The following GATAD1 variants were observed in gnomAD, a reference collection of about 807,000 sequenced individuals.
GATAD1 encodes the protein GATA zinc finger domain containing 1.
In GATAD1, 12 loss-of-function variants were observed where a neutral mutation model predicts 26.5. That is an observed-to-expected ratio of 0.45 (90% CI 0.29 to 0.73). The LOEUF (loss-of-function observed/expected upper bound fraction) is 0.73. Ranked by LOEUF, GATAD1 falls within the 30% of genes least tolerant of loss-of-function variation. The pLI is 0.10. For missense variants in GATAD1, 266 were observed against 342.1 expected, an observed-to-expected ratio of 0.78 and a Z score of 1.75; for synonymous variants, 129 against 133.1, an observed-to-expected ratio of 0.97 and a Z score of 0.21.
chr7:92,451,884 A>C (rs530921963), intron 3 of GATAD1, among the ~76,000 whole-genome samples: 1 of 152,242 alleles, frequency 6.6e-6, no homozygotes, highest in Non-Finnish European at 1.5e-5. Flanking sequence ...CACATAGCCA[A>C]CAAGTCATGG....
At chr7:92,474,276 T>G in the GATAD1 span, among the ~76,000 whole-genome samples, 1 of 152,210 alleles carries the variant, frequency 6.6e-6, no homozygotes, top group Non-Finnish European at 1.5e-5. Context: ...GAAGTTTTTT[T>G]CTAATGTCTG....
the GATAD1 span, among the ~76,000 whole-genome samples, chr7:92,480,182 A>G: frequency 2.0e-5 from 3 of 152,232 alleles, no homozygotes; most frequent in African/African-American, 7.2e-5. Flanking sequence ...CTGCTCCGTT[A>G]TTGGACTGTA....
At chr7:92,486,355 G>A in the GATAD1 span, among the ~76,000 whole-genome samples, 807 of 152,282 alleles carry the variant, frequency 5.3e-3, 5 homozygotes, top group African/African-American at 0.018. Flanking sequence ...CACCCTTCAT[G>A]AACTTACTAA....
rs1315371973 is a variant in GATAD1 at position 92,449,399 on chromosome 7, C to CT, written c.375+523dup. ...GCTAAGCCTTATCTCCTCTTCTGCTCTAAGAAAAGAGATTGTTGAAAGACC... is the reference window on the plus strand; with the variant it reads ...GCTAAGCCTTATCTCCTCTTCTGCTCTTAAGAAAAGAGATTGTTGAAAGACC... On this transcript the variant is annotated intron_variant, in intron 2 of 4. Coordinates refer to ENST00000287957, the MANE Select transcript of GATAD1 (RefSeq NM_021167.5). 7.1e-6 allele frequency: 7 copies of CT among 982,940 alleles called. No individual in the cohort carries two copies. In the Admixed American group the frequency reaches 4.3e-4, roughly 60 times the overall value. The allele number at this position is 982,940 out of a possible 1,614,324, so 60.9% of individuals were successfully genotyped here. A position where few individuals can be genotyped will look rare whatever the true frequency, so the allele number is the denominator to read the frequency against.
chr7:92,461,147 A>C (rs1217830573), downstream of GATAD1, among the ~76,000 whole-genome samples: 6 of 152,202 alleles, frequency 3.9e-5, no homozygotes, highest in African/African-American at 1.4e-4. Context: ...GACTTCCTTC[A>C]GCTTCAGCCA....
At chr7:92,469,798 C>A in the GATAD1 span, 2 of 766,204 alleles carry the variant, frequency 2.6e-6, no homozygotes, top group Admixed American at 1.7e-5. Flanking sequence ...AACATATGGC[C>A]TGAAGTTCAG....
intron 2 of GATAD1, 75 bp from the exon 3 acceptor site, chr7:92,450,625 AC>A: frequency 9.2e-6 from 8 of 868,072 alleles, no homozygotes; most frequent in South Asian, 2.9e-5. Flanking sequence ...AAATTGCAGA[AC>A]TCTCATAGGG....
At chr7:92,489,852 C>T in the GATAD1 span, 1 of 1,613,980 alleles carries the variant, frequency 6.2e-7, no homozygotes, top group Admixed American at 1.7e-5. Flanking sequence ...ACTGGTCTTT[C>T]CCAGGAACTC....
rs1031781653 is a variant in GATAD1 at position 92,454,657 on chromosome 7, C to T, written c.591C>T (p.Asp197=). ...TTCCTACCCTCTCTAGCCCCAGAGA[C>T]CAATTTGATCCCGCCTCCTATATCA... is the stretch of plus-strand genomic sequence containing the variant. ...WLIPTLSSPR[D]QFDPASYIIG... is the part of the protein sequence containing the mutation. Residue 197 remains aspartate (D), a synonymous_variant, in exon 4 of 5, where the codon GAC becomes GAT. Coordinates refer to ENST00000287957, the MANE Select transcript of GATAD1 (RefSeq NM_021167.5). The T allele has an allele frequency of 5.0e-6, 8 of 1,599,468 alleles. No homozygotes were observed. In the African/African-American group the frequency reaches 1.1e-4, roughly 22 times the overall value.
chr7:92,447,776 C>T lies in GATAD1; in HGVS notation c.47C>T (p.Ser16Leu). Residue 16 changes from serine to leucine, a missense_variant, in exon 1 of 5, where the codon TCG (serine) becomes TTG (leucine). Physicochemically the swap from Ser to Leu is moderately radical, Grantham distance 145. Coordinates refer to ENST00000287957, the MANE Select transcript of GATAD1 (RefSeq NM_021167.5). ...KPTCSVCKTT[S>L]SSMWKKGAQG... ...ACCTGCAGCGTATGCAAGACCACGT[C>T]GTCCTCCATGTGGAAGAAGGGAGCG... 6.7e-7 allele frequency: 1 copy of T among 1,498,416 alleles called. No homozygotes were observed. Among genetic ancestry groups the T allele is most frequent in the Non-Finnish European group, 8.9e-7 (1 of 1,123,356 alleles). 92.8% of individuals were successfully genotyped at this position (1,498,416 alleles called of 1,614,324 possible).
the GATAD1 span, chr7:92,468,850 T>A: frequency 1.3e-6 from 1 of 764,498 alleles, no homozygotes; most frequent in Admixed American, 1.7e-5. Flanking sequence ...GTCATTAACA[T>A]CAGATCGTGG....
the GATAD1 span, among the ~76,000 whole-genome samples, chr7:92,490,559 C>A: frequency 5.3e-4 from 78 of 146,858 alleles, no homozygotes; most frequent in African/African-American, 1.8e-3. Context: ...CACCTAAGCC[C>A]AGGAGGTCAA....
chr7:92,466,665 G>T, the GATAD1 span, among the ~76,000 whole-genome samples: 1 of 152,198 alleles, frequency 6.6e-6, no homozygotes, highest in Non-Finnish European at 1.5e-5. Context: ...TCACCATTTT[G>T]TACAGCCAAG....
Position 92,459,378 on chromosome 7 carries a change from A to G in GATAD1, c.*2816A>G, listed in dbSNP as rs1489367178. 6.6e-6 allele frequency: 1 copy of G among 152,240 alleles called. No homozygotes were observed. The highest frequency in any genetic ancestry group is 2.1e-4 in the South Asian group (1 of 4,834). The allele number at this position is 152,240 out of a possible 1,614,324, so 9.4% of individuals were successfully genotyped here. On this transcript the variant is annotated 3_prime_UTR_variant, in exon 5 of 5. Coordinates refer to ENST00000287957, the MANE Select transcript of GATAD1 (RefSeq NM_021167.5). Reference sequence around the variant, plus strand: ...CTATAAATTGATCATCTGTTTATAAATTGGCAGATGGTTGTGTACCATCTT... The same window carrying G: ...CTATAAATTGATCATCTGTTTATAAGTTGGCAGATGGTTGTGTACCATCTT...
the GATAD1 span, chr7:92,468,271 T>A: frequency 3.0e-5 from 5 of 167,684 alleles, no homozygotes; most frequent in South Asian, 1.6e-4. Flanking sequence ...ACACCCTGCA[T>A]GATCCAGAGG....
the GATAD1 span, among the ~76,000 whole-genome samples, chr7:92,481,964 G>A: frequency 6.6e-6 from 1 of 152,192 alleles, no homozygotes; most frequent in Non-Finnish European, 1.5e-5. Flanking sequence ...GCTTTGGAGG[G>A]GGATACCCGA....
At chr7:92,492,762 A>G in the GATAD1 span, among the ~76,000 whole-genome samples, 1 of 152,226 alleles carries the variant, frequency 6.6e-6, no homozygotes, top group Admixed American at 6.5e-5. Flanking sequence ...ACAGACATCA[A>G]ACTTCATAAT....
chr7:92,468,803 G>A, the GATAD1 span: 1 of 761,646 alleles, frequency 1.3e-6, no homozygotes, highest in Non-Finnish European at 2.4e-6. Flanking sequence ...AGTAGAGGTT[G>A]TGCAGCTGAG....
the GATAD1 span, chr7:92,493,958 T>C: frequency 1.7e-5 from 5 of 291,586 alleles, no homozygotes; most frequent in Non-Finnish European, 3.3e-5. Context: ...CATGCTTGAT[T>C]CTGTATCAGA....
Sources: gnomAD v4.1 joint callset for allele counts (sites outside exome capture counted in the v4.1 genomes callset) on GRCh38, gnomAD v4.1.1 for gene constraint, MANE v1.5 for transcripts, NCBI Gene and HGNC (gene_info 2026-07-23, HGNC 2026-07-21) for gene names.